C3orf49: variants seen among roughly 807,000 people sequenced by gnomAD.
C3orf49 encodes the protein chromosome 3 open reading frame 49, also known as putative uncharacterized protein C3orf49.
C3orf49 carries 27 observed loss-of-function variants against 13.3 expected under a neutral mutation model. The ratio of observed to expected loss-of-function variants is 2.02; its 90% CI spans 1.49 to 2.79. C3orf49 has a LOEUF of 2.79. Among genes scored for constraint, C3orf49 ranks in the 30% most tolerant of loss-of-function variants. The pLI, the probability that C3orf49 is intolerant of heterozygous loss-of-function variation, is 0.00. For missense variants in C3orf49, 242 were observed against 134.2 expected (o/e 1.80, Z -3.97); for synonymous variants, 87 against 47.6 (o/e 1.83, Z -3.40).
rs74966810 is a variant in C3orf49, at chr3:63,844,117, A to C, written c.850-906A>C. Among the ~76,000 whole-genome samples the C allele has an allele frequency of 5.0e-3, 764 of 152,342 alleles. 5 individuals are homozygous for C. Among genetic ancestry groups the C allele is most frequent in the African/African-American group, 0.017 (721 of 41,584 alleles). On this transcript the variant is annotated intron_variant, in intron 5 of 6. Transcript: ENST00000295896. ...GCAGGCACAGAGAGATAAATAATGC[A>C]TGATCACACTTACATATGGAATCTA...
the C3orf49 span, among the ~76,000 whole-genome samples, chr3:63,782,694 G>A: frequency 2.6e-5 from 4 of 152,178 alleles, no homozygotes; most frequent in Admixed American, 2.6e-4. Flanking sequence ...GTTAGAAATG[G>A]CTAACATTTT....
At chr3:63,809,373 C>T in the C3orf49 span, among the ~76,000 whole-genome samples, 4 of 152,144 alleles carry the variant, frequency 2.6e-5, no homozygotes, top group Admixed American at 6.5e-5. Context: ...AAGGCATCAT[C>T]AAGTTTGGGA....
chr3:63,831,881 T>C (rs2107108776), intron 5 of C3orf49, 37 bp downstream of exon 5: 1 of 686,808 alleles, frequency 1.5e-6, no homozygotes, highest in East Asian at 2.7e-5. Flanking sequence ...CTTCTGACTT[T>C]GTTCCTGATT....
At chr3:63,834,785 G>T (rs1198256943) in intron 5 of C3orf49, among the ~76,000 whole-genome samples, 1 of 152,006 alleles carries the variant, frequency 6.6e-6, no homozygotes, top group Non-Finnish European at 1.5e-5. Flanking sequence ...GTTCCCCAAA[G>T]CACCCACTAC....
chr3:63,839,100 G>A (rs1026637265), intron 5 of C3orf49, among the ~76,000 whole-genome samples: 2 of 152,104 alleles, frequency 1.3e-5, no homozygotes, highest in Admixed American at 1.3e-4. Flanking sequence ...TGAGGCACGA[G>A]TACTGCTTGA....
intron 2 of C3orf49, among the ~76,000 whole-genome samples, chr3:63,825,022 T>G (rs1432771276): frequency 6.6e-6 from 1 of 152,130 alleles, no homozygotes; most frequent in East Asian, 1.9e-4. Flanking sequence ...TATTGATATA[T>G]TACTATTATT....
intron 1 of C3orf49, among the ~76,000 whole-genome samples, chr3:63,821,101 G>A (rs1701388061): frequency 6.6e-6 from 1 of 152,102 alleles, no homozygotes; most frequent in Non-Finnish European, 1.5e-5. Context: ...ATTCTGAAAA[G>A]ATTATGCCCA....
the C3orf49 span, among the ~76,000 whole-genome samples, chr3:63,801,980 C>G: frequency 6.6e-6 from 1 of 152,202 alleles, no homozygotes; most frequent in African/African-American, 2.4e-5. Flanking sequence ...AATGCCTATT[C>G]TTTACACTGG....
chr3:63,831,459 C>T (rs1701530847), intron 4 of C3orf49, among the ~76,000 whole-genome samples: 2 of 152,194 alleles, frequency 1.3e-5, no homozygotes, highest in South Asian at 4.1e-4. Flanking sequence ...AAGGCATATA[C>T]ATAGGTTTCT....
chr3:63,787,578 C>T, the C3orf49 span, among the ~76,000 whole-genome samples: 1 of 152,074 alleles, frequency 6.6e-6, no homozygotes, highest in African/African-American at 2.4e-5. Flanking sequence ...TGAACAACTC[C>T]CACTGTCCTT....
intron 1 of C3orf49, among the ~76,000 whole-genome samples, chr3:63,821,241 A>G (rs1424414929): frequency 1.3e-5 from 2 of 152,124 alleles, no homozygotes. Context: ...ACCACTTCCC[A>G]TATATAATTA....
At chr3:63,781,093 G>C in the C3orf49 span, among the ~76,000 whole-genome samples, 2 of 150,770 alleles carry the variant, frequency 1.3e-5, no homozygotes, top group Non-Finnish European at 3.0e-5. Flanking sequence ...GTAATGCCTA[G>C]GTTTTCTTCT....
At chr3:63,792,513 T>C in the C3orf49 span, among the ~76,000 whole-genome samples, 1 of 152,180 alleles carries the variant, frequency 6.6e-6, no homozygotes, top group Non-Finnish European at 1.5e-5. Flanking sequence ...TTCCCCCCTT[T>C]CTCTTGGTGT....
chr3:63,829,530 CAT>C (rs1701505876), intron 3 of C3orf49, among the ~76,000 whole-genome samples: 1 of 152,142 alleles, frequency 6.6e-6, no homozygotes, highest in Non-Finnish European at 1.5e-5. Context: ...TTAGGACACA[CAT>C]AACAATAATC....
chr3:63,837,950 CACA>C (rs1701668959), intron 5 of C3orf49: 2 of 1,589,472 alleles, frequency 1.3e-6, no homozygotes, highest in African/African-American at 2.7e-5. Flanking sequence ...AATGTATTTG[CACA>C]TTAAATCCCT....
the C3orf49 span, chr3:63,784,590 C>T: frequency 1.3e-4 from 20 of 152,310 alleles, no homozygotes; most frequent in East Asian, 3.9e-3. Context: ...GGCATGGTGG[C>T]TCACACCTGT....
At chr3:63,836,233 G>T in intron 5 of C3orf49, 1 of 1,448,492 alleles carries the variant, frequency 6.9e-7, no homozygotes, top group Non-Finnish European at 9.5e-7. Flanking sequence ...AAAATGAAAT[G>T]CCTACGGTAG....
the C3orf49 span, among the ~76,000 whole-genome samples, chr3:63,801,036 G>A: frequency 8.5e-5 from 13 of 152,232 alleles, no homozygotes; most frequent in East Asian, 2.5e-3. Flanking sequence ...GAAGTCAGAA[G>A]AGCATAATTT....
intron 5 of C3orf49, chr3:63,838,266 A>G (rs1456959309): frequency 1.0e-6 from 1 of 954,362 alleles, no homozygotes; most frequent in Non-Finnish European, 1.5e-6. Context: ...CCATTAATAC[A>G]GTAATTGTTA....
Sources: allele counts gnomAD v4.1 joint callset (sites outside exome capture counted in the v4.1 genomes callset), GRCh38; gene constraint gnomAD v4.1.1; transcripts MANE v1.5; gene names NCBI Gene and HGNC (gene_info 2026-07-23, HGNC 2026-07-21).